The following NBAS variants were observed in gnomAD, a reference collection of about 807,000 sequenced individuals.
NBAS encodes NBAS subunit of NRZ tethering complex, also known as NAG/BC035112 fusion.
In NBAS, 219 loss-of-function variants were observed where a neutral mutation model predicts 302.5. The observed-to-expected ratio is 0.72, with a 90% confidence interval of 0.65 to 0.81. The LOEUF (loss-of-function observed/expected upper bound fraction) is 0.81, where lower values mean the gene tolerates loss of function less well. Among genes scored for constraint, NBAS ranks in the 30% least tolerant of loss-of-function variants. The pLI is 0.00. For missense variants in NBAS, 2,932 were observed against 2,841.6 expected, an observed-to-expected ratio of 1.03 and a Z score of -0.72; for synonymous variants, 1,118 against 1,021.6, an observed-to-expected ratio of 1.09 and a Z score of -1.80.
chr2:15,216,603 G>A (rs35863258), intron 48 of NBAS, among the ~76,000 whole-genome samples: 28,297 of 152,078 alleles, frequency 0.19, 3,288 homozygotes, highest in East Asian at 0.45. Flanking sequence ...ATATTCAGAA[G>A]TCCTTGAACT....
chr2:15,328,241 A>G lies in NBAS; in HGVS notation c.4419T>C (p.His1473=). 1 of 1,613,970 alleles carries G rather than the reference A, an allele frequency of 6.2e-7. No individual in the cohort carries two copies. The highest frequency in any genetic ancestry group is 1.1e-5 in the South Asian group (1 of 91,072). ...ANEDLEKQGC[H]PFYESVISNP... ...TTGAGATGACAGATTCATAAAAAGG[A>G]TGACACCCTTGTTTCTCTAGATCTT... The change falls in exon 37 of 52, where the codon CAT becomes CAC. Residue 1473 remains histidine, a synonymous_variant. Coordinates refer to ENST00000281513, the MANE Select transcript of NBAS (RefSeq NM_015909.4).
the NBAS span, among the ~76,000 whole-genome samples, chr2:14,895,664 C>T: frequency 2.7e-5 from 4 of 149,526 alleles, no homozygotes; most frequent in South Asian, 4.5e-4. Context: ...GGCGTGAACC[C>T]GGGAGGTGGA....
At chr2:15,041,996 C>T in the NBAS span, among the ~76,000 whole-genome samples, 3 of 152,202 alleles carry the variant, frequency 2.0e-5, no homozygotes, top group Non-Finnish European at 4.4e-5. Flanking sequence ...GAAGGTGATA[C>T]GTGTTTGTGC....
the NBAS span, among the ~76,000 whole-genome samples, chr2:15,002,105 A>G: frequency 1.3e-5 from 2 of 152,018 alleles, no homozygotes; most frequent in Admixed American, 6.5e-5. Flanking sequence ...AGCTAGATAC[A>G]GAGTGTCGAC....
the NBAS span, among the ~76,000 whole-genome samples, chr2:15,003,776 C>T: frequency 4.4e-4 from 67 of 152,116 alleles, no homozygotes; most frequent in Non-Finnish European, 7.6e-4. Flanking sequence ...CAACCAGGGG[C>T]AAAATATTTA....
At chr2:14,814,720 TG>T in the NBAS span, among the ~76,000 whole-genome samples, 1 of 152,152 alleles carries the variant, frequency 6.6e-6, no homozygotes, top group African/African-American at 2.4e-5. Flanking sequence ...GTTAAGACTT[TG>T]GGGGGATTGT....
At chr2:15,429,965 C>T (rs929124283) in intron 21 of NBAS, among the ~76,000 whole-genome samples, 14 of 152,076 alleles carry the variant, frequency 9.2e-5, no homozygotes, top group African/African-American at 1.4e-4. Context: ...ATTACTCTTC[C>T]GACATAAGAA....
At chr2:15,013,148 A>G in the NBAS span, among the ~76,000 whole-genome samples, 35 of 152,204 alleles carry the variant, frequency 2.3e-4, no homozygotes, top group African/African-American at 8.0e-4. Flanking sequence ...CAGAGCCACC[A>G]CGCCTGGCCA....
chr2:14,847,679 T>C, the NBAS span, among the ~76,000 whole-genome samples: 4 of 152,140 alleles, frequency 2.6e-5, no homozygotes, highest in East Asian at 7.7e-4. Flanking sequence ...GACTCCAATA[T>C]TAGCTGAAGA....
At chr2:15,482,568 A>C (rs1226176965) in intron 12 of NBAS, among the ~76,000 whole-genome samples, 1 of 152,144 alleles carries the variant, frequency 6.6e-6, no homozygotes, top group Admixed American at 6.5e-5. Context: ...TTTCCACCCC[A>C]ACAGTTTCTG....
chr2:15,535,298 G>C (rs78980221), intron 8 of NBAS, among the ~76,000 whole-genome samples: 18,153 of 152,060 alleles, frequency 0.12, 1,733 homozygotes, highest in African/African-American at 0.26. Context: ...GAGGCGGGCA[G>C]ATCACAACGT....
Position 15,554,116 on chromosome 2 carries a change from C to T in NBAS, c.232G>A (p.Asp78Asn), listed in dbSNP as rs748989448. 2 of 1,613,742 alleles carry T rather than the reference C, an allele frequency of 1.2e-6. No homozygotes were observed. The highest frequency in any genetic ancestry group is 1.7e-6 in the Non-Finnish European group (2 of 1,179,814). ...WYSPAPFLLP[D>N]GLVRLVNKQI... ...TTATTAACCAAGCGAACCAGTCCAT[C>T]AGGGAGCAAAAAAGGTGCCGGGCTG... The change falls in exon 4 of 52, where the codon GAT (aspartate) becomes AAT (asparagine). Residue 78 changes from aspartate to asparagine, a missense_variant. Asp to Asn is a conservative substitution (Grantham distance 23). Transcript: ENST00000281513.
In NBAS at chr2:15,402,045, TC is replaced by T. The variant is rs1158863045; in HGVS notation, c.3071+122del. 4.8e-6 allele frequency: 5 copies of T among 1,033,786 alleles called. No homozygotes were observed. In the East Asian group the frequency reaches 9.6e-5, roughly 20 times the overall value. The allele number at this position is 1,033,786 out of a possible 1,614,324, so 64.0% of individuals were successfully genotyped here. ...AATAGGATTGCAGATAATTTTATTT[TC>T]TTCCTTATGTTTTTTTCACATTCCC... is the stretch of plus-strand genomic sequence containing the variant. On this transcript the variant is annotated intron_variant, in intron 26 of 51. Transcript: ENST00000281513.
intron 47 of NBAS, among the ~76,000 whole-genome samples, chr2:15,230,740 C>T (rs903941368): frequency 2.6e-5 from 4 of 152,156 alleles, no homozygotes; most frequent in South Asian, 2.1e-4. Flanking sequence ...AAAGAAGCTG[C>T]GCTGCGGATG....
the NBAS span, among the ~76,000 whole-genome samples, chr2:15,092,426 A>G: frequency 6.6e-6 from 1 of 152,238 alleles, no homozygotes; most frequent in Non-Finnish European, 1.5e-5. Context: ...GGAGTATTGG[A>G]CCTGAAACAA....
In NBAS at chr2:15,556,797, T is replaced by C. The variant is rs1360144334; in HGVS notation, c.195A>G (p.Gln65=). Residue 65 remains glutamine, a synonymous_variant, in exon 3 of 52, where the codon CAA becomes CAG. Transcript: ENST00000281513. ...AIRDRLLFLR[Q]YIWYSPAPFL... ...CGAAGACTCACCTGTACCAGATGTA[T>C]TGGCGTAAAAATAATAAACGATCTG... 1.2e-6 allele frequency: 2 copies of C among 1,611,036 alleles called. No homozygotes were observed. The highest frequency in any genetic ancestry group is 2.2e-5 in the South Asian group (2 of 90,964).
In NBAS at chr2:15,402,276, T is replaced by C; in HGVS notation, c.2963A>G (p.Gln988Arg). ...TAGTGCTATTGCCATCAGTTGGTCCTGATCAGGAATAATTTTTTGCTGCAG... is the reference window on the plus strand; with the variant it reads ...TAGTGCTATTGCCATCAGTTGGTCCCGATCAGGAATAATTTTTTGCTGCAG... ...PDLQQKIIPD[Q>R]DQLMAIALEC... The change falls in exon 26 of 52, where the codon CAG becomes CGG. Residue 988 changes from glutamine (Q) to arginine (R), a missense_variant. Physicochemically the swap from Gln to Arg is conservative, Grantham distance 43. Transcript: ENST00000281513. 1.2e-6 allele frequency: 2 copies of C among 1,613,646 alleles called. No individual in the cohort carries two copies. Among genetic ancestry groups the C allele is most frequent in the East Asian group, 2.2e-5 (1 of 44,780 alleles).
the NBAS span, among the ~76,000 whole-genome samples, chr2:14,996,048 G>C: frequency 4.5e-4 from 69 of 152,062 alleles, no homozygotes; most frequent in East Asian, 2.7e-3. Context: ...AGTTGGTGAC[G>C]TCCCTGTTGT....
In NBAS at chr2:15,305,559, C is replaced by T. The variant is rs372224717; in HGVS notation, c.4797+2657G>A. On this transcript the variant is annotated intron_variant, in intron 40 of 51. Transcript: ENST00000281513. ...CTCCGCCTCCCAGATTCAAGCGATTCGCCTGCCTCAGCCTCCCCAGTAGTT... is the reference window on the plus strand; with the variant it reads ...CTCCGCCTCCCAGATTCAAGCGATTTGCCTGCCTCAGCCTCCCCAGTAGTT... 1.5e-3 allele frequency among the ~76,000 whole-genome samples: 224 copies of T among 150,698 alleles called. 1 individual carries two copies. In the South Asian group the frequency reaches 0.024, roughly 16 times the overall value.
Sources: allele counts gnomAD v4.1 joint callset (sites outside exome capture counted in the v4.1 genomes callset), GRCh38; gene constraint gnomAD v4.1.1; transcripts MANE v1.5; gene names NCBI Gene and HGNC (gene_info 2026-07-23, HGNC 2026-07-21).